CCT3: variants seen among roughly 807,000 people sequenced by gnomAD.
CCT3 encodes chaperonin containing TCP1 subunit 3, also known as T-complex protein 1 subunit gamma.
In CCT3, 10 loss-of-function variants were observed where a neutral mutation model predicts 65.3. The ratio of observed to expected loss-of-function variants is 0.15; its 90% CI spans 0.09 to 0.26. The LOEUF is 0.26. Ranked by LOEUF, CCT3 falls within the 10% of genes least tolerant of loss-of-function variation. The pLI is 1.00. For missense variants in CCT3, 626 were observed against 708.7 expected, an observed-to-expected ratio of 0.88 and a Z score of 1.33; for synonymous variants, 225 against 242.3, an observed-to-expected ratio of 0.93 and a Z score of 0.66.
intron 9 of CCT3, 21 bp downstream of exon 9, chr1:156,317,394 G>A (rs1466893795): frequency 6.2e-7 from 1 of 1,603,498 alleles, no homozygotes. Context: ...AGGTAGGCTG[G>A]AAAAAGTAAC....
chr1:156,324,621 G>A (rs1442682032), intron 6 of CCT3, among the ~76,000 whole-genome samples: 4 of 151,826 alleles, frequency 2.6e-5, no homozygotes, highest in African/African-American at 7.3e-5. Flanking sequence ...ACAGGTGTGC[G>A]CCACCATACC....
chr1:156,314,371 G>A (rs890044783), intron 10 of CCT3, among the ~76,000 whole-genome samples: 1 of 152,144 alleles, frequency 6.6e-6, no homozygotes, highest in African/African-American at 2.4e-5. Context: ...TTCAAGATAT[G>A]AATCTTGGAG....
In CCT3 at chr1:156,317,611, A is replaced by G; in HGVS notation, c.760-64T>C. 2.0e-6 allele frequency: 3 copies of G among 1,493,852 alleles called. No homozygotes were observed. In the East Asian group the frequency reaches 6.9e-5, roughly 34 times the overall value. The allele number at this position is 1,493,852 out of a possible 1,614,324, so 92.5% of individuals were successfully genotyped here. A position where few individuals can be genotyped will look rare whatever the true frequency, so the allele number is the denominator to read the frequency against. On this transcript the variant is annotated intron_variant, in intron 8 of 13. Transcript: ENST00000295688. ...GGACTGGTGAAGCTCTAAGGGTCAT[A>G]TTATACTCCTTCCACCCACCTCTCC...
chr1:156,320,113 A>G (rs1266740565), intron 7 of CCT3, among the ~76,000 whole-genome samples: 1 of 152,116 alleles, frequency 6.6e-6, no homozygotes, highest in Non-Finnish European at 1.5e-5. Context: ...CTAACTAAAG[A>G]TACCTTGCTT....
intron 5 of CCT3, among the ~76,000 whole-genome samples, chr1:156,329,146 CAT>C (rs1483517649): frequency 1.3e-5 from 2 of 152,064 alleles, no homozygotes; most frequent in Admixed American, 6.6e-5. Context: ...AGTACAGTAA[CAT>C]GTTATACAGC....
chr1:156,334,675 T>C, intron 4 of CCT3, 38 bp downstream of exon 4: 2 of 1,598,104 alleles, frequency 1.3e-6, no homozygotes, highest in Non-Finnish European at 8.6e-7. Flanking sequence ...TACAGAACTG[T>C]CAGAAAGCAA....
At chr1:156,310,487 C>G in intron 13 of CCT3, 71 bp downstream of exon 13, 1 of 1,233,074 alleles carries the variant, frequency 8.1e-7, no homozygotes, top group Non-Finnish European at 1.1e-6. Flanking sequence ...GAGACTGCGT[C>G]TCAAAAATAA....
At chr1:156,311,857 C>T (rs1478476008) in intron 11 of CCT3, among the ~76,000 whole-genome samples, 184 bp downstream of exon 11, 1 of 151,726 alleles carries the variant, frequency 6.6e-6, no homozygotes, top group Non-Finnish European at 1.5e-5. Flanking sequence ...AAATTTTATG[C>T]TTACTACAAT....
intron 5 of CCT3, 130 bp from the exon 6 acceptor site, chr1:156,325,219 T>C (rs1477393210): frequency 1.5e-6 from 1 of 687,336 alleles, no homozygotes; most frequent in Non-Finnish European, 2.6e-6. Context: ...TGGCCATTCA[T>C]ACTATTCCAA....
chr1:156,329,142 G>A (rs1664993550), intron 5 of CCT3, among the ~76,000 whole-genome samples: 1 of 152,040 alleles, frequency 6.6e-6, no homozygotes, highest in South Asian at 2.1e-4. Context: ...ATTCAGTACA[G>A]TAACATGTTA....
At chr1:156,335,044 T>A in intron 2 of CCT3, 126 bp from the exon 3 acceptor site, 3 of 770,900 alleles carry the variant, frequency 3.9e-6, no homozygotes, top group Non-Finnish European at 6.1e-6. Flanking sequence ...TTTAATTTTA[T>A]TTTATTTTTA....
Position 156,317,712 on chromosome 1 carries a change from CT to C in CCT3, c.760-166del, listed in dbSNP as rs1328262657. Among the ~76,000 whole-genome samples, 458 of 141,602 alleles carry C rather than the reference CT, an allele frequency of 3.2e-3. 1 individual carries two copies. The highest frequency in any genetic ancestry group is 4.6e-3 in the African/African-American group (179 of 38,918). 92.9% of individuals were successfully genotyped at this position (141,602 alleles called of 152,430 possible). A position where few individuals can be genotyped will look rare whatever the true frequency, so the allele number is the denominator to read the frequency against. ...GTAAGCCAATTTAGCTTTAGTTTTG[CT>C]TTTTTTTTTTTTTGAGACGGAATCT... is the stretch of plus-strand genomic sequence containing the variant. On this transcript the variant is annotated intron_variant, in intron 8 of 13. Transcript: ENST00000295688.
chr1:156,314,909 C>T (rs1664243400), intron 10 of CCT3, among the ~76,000 whole-genome samples: 1 of 152,124 alleles, frequency 6.6e-6, no homozygotes. Context: ...ATGATATGGA[C>T]CCTTCTATGA....
rs556413124 is a variant in CCT3 at position 156,324,994 on chromosome 1, T to C, written c.400A>G (p.Ile134Val). The C allele has an allele frequency of 6.2e-7, 1 of 1,612,470 alleles. No homozygotes were observed. Among genetic ancestry groups the C allele is most frequent in the South Asian group, 1.1e-5 (1 of 91,052 alleles). The change falls in exon 6 of 14, where the codon ATC becomes GTC. Residue 134 changes from isoleucine (I) to valine (V), a missense_variant. By Grantham distance (29) the Ile-to-Val change is conservative. Transcript: ENST00000295688. ...TACCTTATTTTCTTTAGGGTGCTGATCATATCATCCAATGCCTTGCGGTAA... is the reference window on the plus strand; with the variant it reads ...TACCTTATTTTCTTTAGGGTGCTGACCATATCATCCAATGCCTTGCGGTAA... Reference protein sequence around the residue: ...SAYRKALDDMISTLKKISIPV... With the variant: ...SAYRKALDDMVSTLKKISIPV...
chr1:156,334,934 C>T lies in CCT3; in HGVS notation c.94-16G>A. 2 of 1,613,066 alleles carry T rather than the reference C, an allele frequency of 1.2e-6. No individual in the cohort carries two copies. The highest frequency in any genetic ancestry group is 1.7e-6 in the Non-Finnish European group (2 of 1,179,188). On this transcript the variant is annotated splice_polypyrimidine_tract_variant and intron_variant, in intron 2 of 13. Coordinates refer to ENST00000295688, the MANE Select transcript of CCT3 (RefSeq NM_005998.5). ...CTGCAATAGTCTAATGGAAAGGGAA[C>T]ATAAAATACGCAAGCACAAATCAGA...
intron 7 of CCT3, among the ~76,000 whole-genome samples, chr1:156,319,559 T>G (rs1477375924): frequency 6.6e-6 from 1 of 152,134 alleles, no homozygotes; most frequent in East Asian, 1.9e-4. Context: ...TGAAATTCAA[T>G]GACTTGACAA....
chr1:156,334,846 T>C (rs761554225), intron 3 of CCT3, 22 bp downstream of exon 3: 2 of 1,613,478 alleles, frequency 1.2e-6, no homozygotes, highest in South Asian at 2.2e-5. Flanking sequence ...AGCCTAAGAG[T>C]TTTAGGAAGA....
At chr1:156,328,074 G>A (rs868713363) in intron 5 of CCT3, among the ~76,000 whole-genome samples, 1 of 5,820 alleles carries the variant, frequency 1.7e-4, no homozygotes, top group Non-Finnish European at 3.4e-4. Context: ...AGGGAGGTGG[G>A]GGGGTCAGCC....
Position 156,327,413 on chromosome 1 carries a change from GC to G in CCT3, c.305-2325del, listed in dbSNP as rs995565321. 1.3e-3 allele frequency among the ~76,000 whole-genome samples: 198 copies of G among 152,206 alleles called. 1 individual carries two copies. Among genetic ancestry groups the G allele is most frequent in the Non-Finnish European group, 2.4e-3 (160 of 67,976 alleles). The stretch of plus-strand genomic sequence containing the variant: ...CTGCCTGATTCTCCTGCCTCAGCCT[GC>G]CGAGTGCCTGCGATTGCAGGCGCGC... On this transcript the variant is annotated intron_variant, in intron 5 of 13. Transcript: ENST00000295688.
Sources: allele counts gnomAD v4.1 joint callset (sites outside exome capture counted in the v4.1 genomes callset), GRCh38; gene constraint gnomAD v4.1.1; transcripts MANE v1.5; gene names NCBI Gene and HGNC (gene_info 2026-07-23, HGNC 2026-07-21).